The following MCPH1 variants were observed in gnomAD, a reference collection of about 807,000 sequenced individuals.
The protein encoded by MCPH1 is microcephalin 1, also known as microcephalin.
A neutral mutation model predicts 84.5 loss-of-function variants in MCPH1; 104 were observed. The ratio of observed to expected loss-of-function variants is 1.23; its 90% CI spans 1.05 to 1.45. The LOEUF is 1.45. MCPH1 is among the 40% of genes most tolerant of loss of function. The pLI, the probability that MCPH1 is intolerant of heterozygous loss-of-function variation, is 0.00. For missense variants in MCPH1, 1,498 were observed against 1,005.7 expected, an observed-to-expected ratio of 1.49 and a Z score of -6.62; for synonymous variants, 514 against 366.8, an observed-to-expected ratio of 1.40 and a Z score of -4.58.
intron 8 of MCPH1, chr8:6,446,531 C>T (rs1364326537): frequency 1.6e-5 from 16 of 983,814 alleles, no homozygotes; most frequent in Non-Finnish European, 1.8e-5. Flanking sequence ...TATATCTTGG[C>T]TTTCTGAACA....
At position 6,445,252 on chromosome 8, in the gene MCPH1, T is replaced by C. The variant is rs1333771271; in HGVS notation, c.1530T>C (p.Cys510=). The C allele has an allele frequency of 6.2e-7, 1 of 1,614,194 alleles. No homozygotes were observed. Among genetic ancestry groups the C allele is most frequent in the Non-Finnish European group, 8.5e-7 (1 of 1,180,028 alleles). ...CCCCTGAAGAAGCCCTAAGGTGTTGTAGACAGGCTGGGAAAGAAGACGCAT... is the reference window on the plus strand; with the variant it reads ...CCCCTGAAGAAGCCCTAAGGTGTTGCAGACAGGCTGGGAAAGAAGACGCAT... ...TSAPEEALRC[C]RQAGKEDACP... Residue 510 remains cysteine (C), a synonymous_variant, in exon 8 of 14, where the codon TGT becomes TGC. Coordinates refer to ENST00000344683, the MANE Select transcript of MCPH1 (RefSeq NM_024596.5).
At chr8:6,545,224 T>C (rs1173153873) in intron 12 of MCPH1, among the ~76,000 whole-genome samples, 1 of 152,208 alleles carries the variant, frequency 6.6e-6, no homozygotes, top group Admixed American at 6.5e-5. Context: ...GGGAGCCTTC[T>C]GGAGTGCTGA....
rs1261875539 is a variant in MCPH1 at position 6,444,767 on chromosome 8, C to G, written c.1045C>G (p.Pro349Ala). 1 of 1,614,066 alleles carries G rather than the reference C, an allele frequency of 6.2e-7. No homozygotes were observed. The highest frequency in any genetic ancestry group is 1.3e-5 in the African/African-American group (1 of 75,036). ...TKGHLLIHSR[P>A]RSSSVKRKRV... Reference sequence around the variant, plus strand: ...AGGCCACCTTTTGATACATTCAAGACCCAGGAGTTCCTCAGTAAAGAGAAA... The same window carrying G: ...AGGCCACCTTTTGATACATTCAAGAGCCAGGAGTTCCTCAGTAAAGAGAAA... Residue 349 changes from proline (P) to alanine (A), a missense_variant, in exon 8 of 14, where the codon CCC becomes GCC. By Grantham distance (27) the Pro-to-Ala change is conservative. Coordinates refer to ENST00000344683, the MANE Select transcript of MCPH1 (RefSeq NM_024596.5).
chr8:6,429,292 T>C (rs942314965), intron 3 of MCPH1, among the ~76,000 whole-genome samples: 12 of 152,200 alleles, frequency 7.9e-5, no homozygotes, highest in African/African-American at 2.9e-4. Flanking sequence ...TATGTGAACA[T>C]GGACCCAGTG....
At chr8:6,628,529 G>C (rs1014427917) in intron 13 of MCPH1, among the ~76,000 whole-genome samples, 4 of 147,996 alleles carry the variant, frequency 2.7e-5, no homozygotes, top group Non-Finnish European at 6.0e-5. Context: ...CTAGAATACA[G>C]GAGTCAGCTG....
chr8:6,630,467 T>G (rs907788294), intron 13 of MCPH1, among the ~76,000 whole-genome samples: 1 of 152,026 alleles, frequency 6.6e-6, no homozygotes, highest in East Asian at 1.9e-4. Context: ...AGCTCAAGCG[T>G]TAAAAAAATT....
intron 13 of MCPH1, among the ~76,000 whole-genome samples, chr8:6,623,078 C>A (rs957232872): frequency 7.0e-6 from 1 of 142,920 alleles, no homozygotes; most frequent in African/African-American, 2.6e-5. Context: ...GTCTCAAACT[C>A]CGGGGCTCAA....
At chr8:6,596,723 C>A (rs919096220) in intron 12 of MCPH1, among the ~76,000 whole-genome samples, 7 of 152,020 alleles carry the variant, frequency 4.6e-5, no homozygotes, top group Middle Eastern at 3.2e-3. Flanking sequence ...CACAATGCAA[C>A]GATGCCAAAA....
chr8:6,462,325 T>C (rs192976954), intron 9 of MCPH1, among the ~76,000 whole-genome samples: 1 of 152,342 alleles, frequency 6.6e-6, no homozygotes, highest in African/African-American at 2.4e-5. Flanking sequence ...TATATCCTGT[T>C]AGTCTCTTAA....
chr8:6,455,370 AT>A, intron 9 of MCPH1, 118 bp downstream of exon 9: 1 of 748,804 alleles, frequency 1.3e-6, no homozygotes, highest in East Asian at 2.7e-5. Context: ...TAAAAAATTG[AT>A]TATGGGTAAA....
chr8:6,486,725 A>G (rs1809975259), intron 11 of MCPH1, among the ~76,000 whole-genome samples: 1 of 152,246 alleles, frequency 6.6e-6, no homozygotes, highest in African/African-American at 2.4e-5. Flanking sequence ...ATGGAAATAG[A>G]AAACCATGCC....
chr8:6,455,737 A>T (rs1380158719), intron 9 of MCPH1, among the ~76,000 whole-genome samples: 1 of 152,220 alleles, frequency 6.6e-6, no homozygotes, highest in East Asian at 1.9e-4. Context: ...GACTCCGCTG[A>T]TCCTCTTACA....
chr8:6,625,837 C>A lies in MCPH1; in HGVS notation c.2452+4146C>A, dbSNP rs530412234. On this transcript the variant is annotated intron_variant, in intron 13 of 13. Transcript: ENST00000344683. ...CAGTGCCTTTATATTGTTTCTGTAT[C>A]TTAACAGTCTTGTTTTGCAGATGTC... 5 of 985,368 alleles carry A rather than the reference C, an allele frequency of 5.1e-6. No individual in the cohort carries two copies. In the African/African-American group the frequency reaches 8.7e-5, roughly 17 times the overall value. 61.0% of individuals were successfully genotyped at this position (985,368 alleles called of 1,614,324 possible).
intron 12 of MCPH1, among the ~76,000 whole-genome samples, chr8:6,535,607 AAAT>A (rs921567499): frequency 5.3e-5 from 8 of 152,230 alleles, no homozygotes; most frequent in Admixed American, 2.6e-4. Context: ...TAGTGTCTAT[AAAT>A]ATATACAGCT....
chr8:6,547,580 C>G (rs1390689224), intron 12 of MCPH1, among the ~76,000 whole-genome samples: 2 of 152,194 alleles, frequency 1.3e-5, no homozygotes, highest in South Asian at 2.1e-4. Context: ...GCACTTTGGA[C>G]CACCGTAGAA....
At chr8:6,567,923 T>G (rs769348876) in intron 12 of MCPH1, among the ~76,000 whole-genome samples, 44 of 152,250 alleles carry the variant, frequency 2.9e-4, no homozygotes, top group Non-Finnish European at 5.6e-4. Flanking sequence ...AATTTTTGTC[T>G]GTAATAGTTC....
intron 12 of MCPH1, among the ~76,000 whole-genome samples, chr8:6,563,920 T>A (rs1229842005): frequency 2.0e-5 from 3 of 152,076 alleles, no homozygotes; most frequent in Non-Finnish European, 2.9e-5. Context: ...TTAAGTTCAT[T>A]ACATTACAAT....
intron 9 of MCPH1, among the ~76,000 whole-genome samples, chr8:6,458,926 C>T (rs1805982893): frequency 6.6e-6 from 1 of 152,140 alleles, no homozygotes; most frequent in African/African-American, 2.4e-5. Context: ...GAATTACAGG[C>T]GTGAGCCACA....
intron 12 of MCPH1, among the ~76,000 whole-genome samples, chr8:6,533,191 G>A (rs1398016866): frequency 6.6e-6 from 1 of 152,170 alleles, no homozygotes; most frequent in Admixed American, 6.5e-5. Context: ...CCATGGGCTG[G>A]TTCTTCTCTC....
Sources: allele counts gnomAD v4.1 joint callset (sites outside exome capture counted in the v4.1 genomes callset), GRCh38; gene constraint gnomAD v4.1.1; transcripts MANE v1.5; gene names NCBI Gene and HGNC (gene_info 2026-07-23, HGNC 2026-07-21).